Variants in PLCB1 observed in about 807,000 individuals in gnomAD.
PLCB1 encodes the protein phospholipase C beta 1.
Under a neutral mutation model 161.8 loss-of-function variants are expected in PLCB1, and 46 were observed. That is an observed-to-expected ratio of 0.28 (90% CI 0.22 to 0.36). PLCB1 has a LOEUF of 0.36. Among genes scored for constraint, PLCB1 ranks in the 10% least tolerant of loss-of-function variants. The probability of loss-of-function intolerance (pLI) is 1.00; values close to 1 mark genes in which losing one functional copy is unlikely to be tolerated. For missense variants in PLCB1, 1,016 were observed against 1,472.5 expected (o/e 0.69, Z 5.07); for synonymous variants, 517 against 503.7 (o/e 1.03, Z -0.35).
At chr20:8,600,290 C>T (rs868843881) in intron 3 of PLCB1, among the ~76,000 whole-genome samples, 1,525 of 110,858 alleles carry the variant, frequency 0.014, 92 homozygotes, top group African/African-American at 0.046. Context: ...TGTGGATGTC[C>T]TTTCTGTTTG....
chr20:8,202,558 T>G (rs1978325405), intron 2 of PLCB1, among the ~76,000 whole-genome samples: 1 of 152,234 alleles, frequency 6.6e-6, no homozygotes, highest in African/African-American at 2.4e-5. Flanking sequence ...AGGCAGACAT[T>G]CAAATGCAGA....
chr20:8,802,300 T>G, intron 31 of PLCB1: 1 of 584,834 alleles, frequency 1.7e-6, no homozygotes, highest in Non-Finnish European at 3.0e-6. Flanking sequence ...CTTTTTTTTC[T>G]GCTAAAGTTC....
intron 12 of PLCB1, 52 bp from the exon 13 acceptor site, chr20:8,716,212 T>C (rs1979301874): frequency 1.5e-6 from 2 of 1,328,344 alleles, no homozygotes; most frequent in Non-Finnish European, 2.2e-6. Context: ...CCTGTTCAGG[T>C]TCTTTGGATA....
intron 8 of PLCB1, among the ~76,000 whole-genome samples, chr20:8,658,072 G>A (rs59016837): frequency 6.6e-6 from 1 of 152,060 alleles, no homozygotes; most frequent in Admixed American, 6.6e-5. Flanking sequence ...ATATGTTGAG[G>A]AATTATACTC....
At chr20:8,605,317 C>A (rs997374706) in intron 3 of PLCB1, among the ~76,000 whole-genome samples, 4 of 151,906 alleles carry the variant, frequency 2.6e-5, no homozygotes, top group Non-Finnish European at 4.4e-5. Context: ...GAGAAATATT[C>A]TTCTACAATA....
At chr20:8,539,505 G>A (rs6086490) in intron 3 of PLCB1, among the ~76,000 whole-genome samples, 12,364 of 152,026 alleles carry the variant, frequency 0.081, 586 homozygotes, top group Non-Finnish European at 0.099. Flanking sequence ...AAGTTAAAAC[G>A]TCTCCCTTTG....
intron 2 of PLCB1, among the ~76,000 whole-genome samples, chr20:8,321,612 A>G (rs978887509): frequency 2.0e-5 from 3 of 152,174 alleles, no homozygotes; most frequent in African/African-American, 7.2e-5. Context: ...CCGGTACCCC[A>G]TAGTCCTCAA....
At chr20:8,364,386 G>T (rs142293036) in intron 2 of PLCB1, among the ~76,000 whole-genome samples, 2 of 152,250 alleles carry the variant, frequency 1.3e-5, no homozygotes, top group Non-Finnish European at 2.9e-5. Flanking sequence ...GATAATATCC[G>T]CAGGCATTGG....
At chr20:8,528,868 T>C (rs1413969501) in intron 3 of PLCB1, among the ~76,000 whole-genome samples, 1 of 151,788 alleles carries the variant, frequency 6.6e-6, no homozygotes, top group Non-Finnish European at 1.5e-5. Context: ...GAAATTGAAA[T>C]GGATATTTCC....
intron 2 of PLCB1, among the ~76,000 whole-genome samples, chr20:8,363,730 G>A (rs1405435023): frequency 1.3e-5 from 2 of 152,158 alleles, no homozygotes; most frequent in Non-Finnish European, 2.9e-5. Context: ...ACCCACATGA[G>A]TGTGGCCATC....
intron 2 of PLCB1, among the ~76,000 whole-genome samples, chr20:8,216,210 G>A (rs1979114042): frequency 6.6e-6 from 1 of 151,984 alleles, no homozygotes; most frequent in African/African-American, 2.4e-5. Flanking sequence ...TTTTACTTAG[G>A]GAGTCTTTAT....
intron 3 of PLCB1, among the ~76,000 whole-genome samples, chr20:8,626,428 T>C (rs1988349955): frequency 6.6e-6 from 1 of 152,082 alleles, no homozygotes; most frequent in Non-Finnish European, 1.5e-5. Flanking sequence ...TTCTGAGAGG[T>C]GGCGATCTTT....
At position 8,727,361 on chromosome 20, in the gene PLCB1, A is replaced by G; in HGVS notation, c.1731A>G (p.Glu577=). ...MSSFVETKGL[E]QLTKSPVEFV... is the part of the protein sequence containing the mutation. ...CCTTCGTGGAAACCAAAGGACTTGA[A>G]CAACTCACCAAGTCTCCAGTGGAAT... is the stretch of plus-strand genomic sequence containing the variant. Residue 577 remains glutamate, a synonymous_variant, in exon 17 of 32, where the codon GAA becomes GAG. Transcript: ENST00000338037. 1.2e-6 allele frequency: 2 copies of G among 1,602,422 alleles called. No individual in the cohort carries two copies. The highest frequency in any genetic ancestry group is 1.7e-6 in the Non-Finnish European group (2 of 1,170,242).
chr20:8,546,249 G>A (rs942970371), intron 3 of PLCB1, among the ~76,000 whole-genome samples: 1 of 148,574 alleles, frequency 6.7e-6, no homozygotes, highest in African/African-American at 2.5e-5. Context: ...AGGAGGCGGA[G>A]GTTGCAGTGA....
At chr20:8,192,398 A>C (rs1305736114) in intron 2 of PLCB1, among the ~76,000 whole-genome samples, 1 of 152,056 alleles carries the variant, frequency 6.6e-6, no homozygotes, top group Non-Finnish European at 1.5e-5. Flanking sequence ...ATGAACACTA[A>C]AGAACAACAT....
chr20:8,259,458 A>G, intron 2 of PLCB1, among the ~76,000 whole-genome samples: 1 of 152,178 alleles, frequency 6.6e-6, no homozygotes, highest in East Asian at 1.9e-4. Context: ...TCTACTAAAA[A>G]TATAAGAAGT....
chr20:8,288,057 C>T (rs1175315514), intron 2 of PLCB1, among the ~76,000 whole-genome samples: 1 of 152,168 alleles, frequency 6.6e-6, no homozygotes, highest in Non-Finnish European at 1.5e-5. Context: ...GTGTAACTGT[C>T]TATTATATTT....
At chr20:8,682,641 A>G (rs73597554) in intron 9 of PLCB1, among the ~76,000 whole-genome samples, 12,446 of 152,260 alleles carry the variant, frequency 0.082, 559 homozygotes, top group East Asian at 0.13. Context: ...TTTGCCATTT[A>G]CAAATGGCAC....
intron 2 of PLCB1, among the ~76,000 whole-genome samples, chr20:8,316,470 A>C (rs1984657624): frequency 6.6e-6 from 1 of 152,098 alleles, no homozygotes; most frequent in African/African-American, 2.4e-5. Flanking sequence ...TCCAATATTT[A>C]AGACCCAGCC....
Sources: allele counts gnomAD v4.1 joint callset (sites outside exome capture counted in the v4.1 genomes callset), GRCh38; gene constraint gnomAD v4.1.1; transcripts MANE v1.5; gene names NCBI Gene and HGNC (gene_info 2026-07-23, HGNC 2026-07-21).